The following RBSN variants were observed in gnomAD, a reference collection of about 807,000 sequenced individuals.
RBSN encodes rabenosyn, RAB effector.
Under a neutral mutation model 60.5 loss-of-function variants are expected in RBSN, and 34 were observed. That is an observed-to-expected ratio of 0.56 (90% confidence interval 0.43 to 0.75). The LOEUF (loss-of-function observed/expected upper bound fraction) is 0.75, where lower values mean the gene tolerates loss of function less well. Ranked by LOEUF, RBSN falls within the 30% of genes least tolerant of loss-of-function variation. The pLI is 0.00. For missense variants in RBSN, 845 were observed against 986.8 expected, an observed-to-expected ratio of 0.86 and a Z score of 1.92; for synonymous variants, 322 against 366.9, an observed-to-expected ratio of 0.88 and a Z score of 1.40.
At chr3:15,090,892 T>TG (rs1365768188) in intron 4 of RBSN, among the ~76,000 whole-genome samples, 2 of 152,116 alleles carry the variant, frequency 1.3e-5, no homozygotes, top group African/African-American at 4.8e-5. Flanking sequence ...TTATCTTAAT[T>TG]GGAGTGGTGG....
chr3:15,096,793 A>G (rs1466742519), intron 2 of RBSN, 83 bp from the exon 3 acceptor site: 1 of 152,260 alleles, frequency 6.6e-6, no homozygotes, highest in Non-Finnish European at 1.5e-5. Flanking sequence ...ACATCAGTTA[A>G]AGAGAAACAA....
At chr3:15,094,823 T>G (rs987884126) in intron 4 of RBSN, among the ~76,000 whole-genome samples, 5 of 152,332 alleles carry the variant, frequency 3.3e-5, no homozygotes, top group Non-Finnish European at 5.9e-5. Flanking sequence ...AAAGTGCATA[T>G]GATTCACCTG....
intron 10 of RBSN, among the ~76,000 whole-genome samples, chr3:15,078,703 T>C (rs1368564545): frequency 7.3e-6 from 1 of 137,298 alleles, no homozygotes; most frequent in East Asian, 2.1e-4. Context: ...GAGGTTGCAG[T>C]GGGCTAAGGT....
chr3:15,082,579 G>C lies in RBSN; in HGVS notation c.628C>G (p.Leu210Val), dbSNP rs2043233244. The change falls in exon 9 of 14, where the codon CTG (leucine) becomes GTG (valine). Residue 210 changes from leucine to valine, a missense_variant. Physicochemically the swap from Leu to Val is conservative, Grantham distance 32. Transcript: ENST00000253699. This position sits in a 1 kb window ranked among gnomAD's most constrained non-coding sequence, Gnocchi z 4.2. ...NKLTSASKES[L>V]STHTSPSQSP... Reference sequence around the variant, plus strand: ...TGGCTGGGGCTGGTGTGGGTGCTCAGGGACTCCTTGCTGGCACTGGTGAGC... The same window carrying C: ...TGGCTGGGGCTGGTGTGGGTGCTCACGGACTCCTTGCTGGCACTGGTGAGC... 3.7e-6 allele frequency: 6 copies of C among 1,614,146 alleles called. No homozygotes were observed. In the East Asian group the frequency reaches 1.3e-4, roughly 36 times the overall value.
Position 15,073,972 on chromosome 3 carries a change from A to T in RBSN, c.2165T>A (p.Met722Lys), listed in dbSNP as rs746899955. 44 of 1,613,898 alleles carry T rather than the reference A, an allele frequency of 2.7e-5. No homozygotes were observed. Among genetic ancestry groups the T allele is most frequent in the African/African-American group, 5.3e-5 (4 of 74,842 alleles). The change falls in exon 14 of 14, where the codon ATG becomes AAG. Residue 722 changes from methionine (M) to lysine (K), a missense_variant. Coordinates refer to ENST00000253699, the MANE Select transcript of RBSN (RefSeq NM_022340.4). ...EEPTCINPFE[M>K]DSDSGPEAEE... ...AGCCTCTGGCCCACTGTCACTGTCC[A>T]TCTCAAAGGGGTTGATACAGGTGGG...
At position 15,073,908 on chromosome 3, in the gene RBSN, G is replaced by C. The variant is rs267599646; in HGVS notation, c.2229C>G (p.Ile743Met). 1.9e-6 allele frequency: 3 copies of C among 1,614,066 alleles called. No homozygotes were observed. Among genetic ancestry groups the C allele is most frequent in the Admixed American group, 1.7e-5 (1 of 60,016 alleles). ...PIEEELLLQQ[I>M]DNIKAYIFDA... is the part of the protein sequence containing the mutation. ...CAAAGATGTATGCCTTGATGTTATC[G>C]ATCTGCTGCAGGAGGAGCTCTTCCT... The change falls in exon 14 of 14, where the codon ATC becomes ATG. Residue 743 changes from isoleucine to methionine, a missense_variant. By Grantham distance (10) the Ile-to-Met change is conservative. Transcript: ENST00000253699.
chr3:15,095,866 T>C (rs768399742), intron 4 of RBSN, 107 bp downstream of exon 4: 2 of 1,445,508 alleles, frequency 1.4e-6, no homozygotes, highest in African/African-American at 1.4e-5. Flanking sequence ...ATCTGTTTGC[T>C]ACTACTATTA....
chr3:15,093,878 AT>A (rs1016393807), intron 4 of RBSN, among the ~76,000 whole-genome samples: 7 of 150,064 alleles, frequency 4.7e-5, no homozygotes, highest in African/African-American at 9.8e-5. Flanking sequence ...ATTAAAAAAA[AT>A]TTTTTTTTAT....
rs2043097840 is a variant in RBSN at position 15,078,065 on chromosome 3, T to C, written c.998+10A>G. On this transcript the variant is annotated intron_variant, in intron 11 of 13. Transcript: ENST00000253699. ...CACCAGCGGGCAGGATACCACTTAA[T>C]GGACCTTACCTTAAAGCGTCTATCA... 2 of 1,613,312 alleles carry C rather than the reference T, an allele frequency of 1.2e-6. No homozygotes were observed. The highest frequency in any genetic ancestry group is 1.7e-5 in the Admixed American group (1 of 60,016).
In RBSN at chr3:15,089,470, A is replaced by AAC. The variant is rs1406941831; in HGVS notation, c.289+928_289+929insGT. 7.5e-3 allele frequency among the ~76,000 whole-genome samples: 824 copies of AAC among 110,278 alleles called. 13 individuals are homozygous for AAC. The highest frequency in any genetic ancestry group is 0.053 in the African/African-American group (764 of 14,462). The allele number at this position is 110,278 out of a possible 152,430, so 72.3% of individuals were successfully genotyped here. The stretch of plus-strand genomic sequence containing the variant: ...GACTCCATCTCCAAAAAAAAAAAAA[A>AAC]AAAAAAACAAAAAAAAAAAACAGAT... On this transcript the variant is annotated intron_variant, in intron 5 of 13. Coordinates refer to ENST00000253699, the MANE Select transcript of RBSN (RefSeq NM_022340.4).
At position 15,077,633 on chromosome 3, in the gene RBSN, A is replaced by ATG. The variant is rs892024859; in HGVS notation, c.998+440_998+441dup. ...TGAGTCACTGGCTAATTTAACCCCA[A>ATG]TGGCCAGTCCACAGTTAAAAAGCAG... On this transcript the variant is annotated intron_variant, in intron 11 of 13. Coordinates refer to ENST00000253699, the MANE Select transcript of RBSN (RefSeq NM_022340.4). The surrounding 1 kb of genome is among the most constrained non-coding windows in gnomAD (Gnocchi z 4.4). Among the ~76,000 whole-genome samples the ATG allele has an allele frequency of 1.3e-5, 2 of 152,176 alleles. No individual in the cohort carries two copies. The highest frequency in any genetic ancestry group is 4.8e-5 in the African/African-American group (2 of 41,444).
Position 15,084,789 on chromosome 3 carries a change from A to G in RBSN, c.544T>C (p.Cys182Arg). 6.2e-7 allele frequency: 1 copy of G among 1,614,182 alleles called. No individual in the cohort carries two copies. Among genetic ancestry groups the G allele is most frequent in the Non-Finnish European group, 8.5e-7 (1 of 1,180,022 alleles). Residue 182 changes from cysteine to arginine, a missense_variant, in exon 8 of 14, where the codon TGC becomes CGC. Cys to Arg is a radical substitution (Grantham distance 180). Transcript: ENST00000253699. The surrounding 1 kb of genome is among the most constrained non-coding windows in gnomAD (Gnocchi z 4.2). ...IRNRRHHCRL[C>R]GSIMCKKCME... is the part of the protein sequence containing the mutation. ...CACTTCTTGCACATAATAGACCCGC[A>G]GAGGCGGCAGTGGTGGCGGCGGTTC...
chr3:15,085,939 G>A lies in RBSN; in HGVS notation c.312C>T (p.Ser104=), dbSNP rs749347413. The A allele has an allele frequency of 9.9e-6, 16 of 1,613,562 alleles. No homozygotes were observed. Among genetic ancestry groups the A allele is most frequent in the South Asian group, 3.3e-5 (3 of 91,062 alleles). ...QELGAVRSHL[S]DFKKHRAARI... ...TAGCAGCTCGGTGTTTTTTGAAGTC[G>A]GAAAGATGGCTTCTCACAGCACCTA... Residue 104 remains serine (S), a synonymous_variant, in exon 6 of 14, where the codon TCC becomes TCT. Coordinates refer to ENST00000253699, the MANE Select transcript of RBSN (RefSeq NM_022340.4).
intron 5 of RBSN, among the ~76,000 whole-genome samples, chr3:15,088,928 G>C (rs1435916403): frequency 6.6e-6 from 1 of 152,118 alleles, no homozygotes. Context: ...TTCTATAACA[G>C]CACTAAAAAG....
chr3:15,080,887 A>T (rs1045254764), intron 9 of RBSN, 85 bp from the exon 10 acceptor site: 21 of 1,080,326 alleles, frequency 1.9e-5, no homozygotes, highest in African/African-American at 3.2e-5. Flanking sequence ...ATGGAGCTAT[A>T]TTTAAAATGT....
In RBSN at chr3:15,075,616, A is replaced by G; in HGVS notation, c.1196T>C (p.Val399Ala). Reference sequence around the variant, plus strand: ...CCTGGCTTCACTCACTTGTCTCTCCACGGCCCTCTTCCTCTCCATTTCCTC... The same window carrying G: ...CCTGGCTTCACTCACTTGTCTCTCCGCGGCCCTCTTCCTCTCCATTTCCTC... Reference protein sequence around the residue: ...RKEEMERKRAVERQAALESQR... With the variant: ...RKEEMERKRAAERQAALESQR... Residue 399 changes from valine (V) to alanine (A), a missense_variant, in exon 13 of 14, where the codon GTG becomes GCG. By Grantham distance (64) the Val-to-Ala change is moderately conservative. Coordinates refer to ENST00000253699, the MANE Select transcript of RBSN (RefSeq NM_022340.4). The G allele has an allele frequency of 6.2e-7, 1 of 1,614,098 alleles. No individual in the cohort carries two copies. Among genetic ancestry groups the G allele is most frequent in the Middle Eastern group, 1.6e-4 (1 of 6,062 alleles).
intron 4 of RBSN, among the ~76,000 whole-genome samples, chr3:15,093,702 TTTTG>T (rs2043576572): frequency 6.6e-6 from 1 of 151,748 alleles, no homozygotes; most frequent in Non-Finnish European, 1.5e-5. Flanking sequence ...AGTAACTTTA[TTTTG>T]TTTTTTTGTT....
In RBSN at chr3:15,070,598, G is replaced by C. The variant is rs1192295664; in HGVS notation, c.*3184C>G. 4 of 152,610 alleles carry C rather than the reference G, an allele frequency of 2.6e-5. No homozygotes were observed. Among genetic ancestry groups the C allele is most frequent in the African/African-American group, 9.7e-5 (4 of 41,430 alleles). 9.5% of individuals were successfully genotyped at this position (152,610 alleles called of 1,614,324 possible). A position where few individuals can be genotyped will look rare whatever the true frequency, so the allele number is the denominator to read the frequency against. ...GTTGTGGTTATAATACATAGGCCAAGTTTGCCTGCTGTCAACCCATCTCTG... is the reference window on the plus strand; with the variant it reads ...GTTGTGGTTATAATACATAGGCCAACTTTGCCTGCTGTCAACCCATCTCTG... On this transcript the variant is annotated 3_prime_UTR_variant, in exon 14 of 14. Coordinates refer to ENST00000253699, the MANE Select transcript of RBSN (RefSeq NM_022340.4).
chr3:15,091,909 C>T (rs1048617865), intron 4 of RBSN, among the ~76,000 whole-genome samples: 1 of 152,222 alleles, frequency 6.6e-6, no homozygotes, highest in Non-Finnish European at 1.5e-5. Context: ...TTCTAAGACG[C>T]TCTCTCATGA....
Sources: gnomAD v4.1 joint callset for allele counts (sites outside exome capture counted in the v4.1 genomes callset) on GRCh38, gnomAD v4.1.1 for gene constraint, Gnocchi (gnomAD v3.1) non-coding constraint, MANE v1.5 for transcripts, NCBI Gene and HGNC (gene_info 2026-07-23, HGNC 2026-07-21) for gene names.